The following HDAC9 variants were observed in gnomAD, a reference collection of about 807,000 sequenced individuals.
HDAC9 encodes histone deacetylase 9.
A neutral mutation model predicts 139.4 loss-of-function variants in HDAC9; 41 were observed. That is an observed-to-expected ratio of 0.29 (90% CI 0.23 to 0.38). The LOEUF (loss-of-function observed/expected upper bound fraction) is 0.38. Among genes scored for constraint, HDAC9 ranks in the 10% least tolerant of loss-of-function variants. The pLI, the probability that HDAC9 is intolerant of heterozygous loss-of-function variation, is 1.00. For synonymous variants in HDAC9, 517 were observed against 476.2 expected (o/e 1.09, Z -1.12); for missense variants, 1,147 against 1,297.0 (o/e 0.88, Z 1.78).
At chr7:18,138,410 G>A (rs1053615771) in intron 1 of HDAC9, among the ~76,000 whole-genome samples, 1 of 151,986 alleles carries the variant, frequency 6.6e-6, no homozygotes, top group African/African-American at 2.4e-5. Context: ...GGTGTAAGAA[G>A]GGTTTAGAAC....
chr7:18,548,450 A>G (rs1261864135), intron 2 of HDAC9, among the ~76,000 whole-genome samples: 1 of 152,220 alleles, frequency 6.6e-6, no homozygotes, highest in Non-Finnish European at 1.5e-5. Context: ...CAAAACATCA[A>G]TTTGTAAGAG....
chr7:18,590,902 A>G (rs1225735215), intron 4 of HDAC9, among the ~76,000 whole-genome samples: 1 of 152,192 alleles, frequency 6.6e-6, no homozygotes, highest in Non-Finnish European at 1.5e-5. Flanking sequence ...TCAAACTTTG[A>G]GAAGATTTAA....
At chr7:18,863,704 T>C (rs1798277497) in intron 21 of HDAC9, among the ~76,000 whole-genome samples, 1 of 152,108 alleles carries the variant, frequency 6.6e-6, no homozygotes, top group African/African-American at 2.4e-5. Context: ...TGTATGACTT[T>C]GGAAGGTAAG....
At chr7:18,987,553 C>G (rs1371217469) in intron 25 of HDAC9, among the ~76,000 whole-genome samples, 2 of 152,150 alleles carry the variant, frequency 1.3e-5, no homozygotes, top group African/African-American at 4.8e-5. Context: ...CTCTGCCAGG[C>G]TTTGGTATCA....
chr7:18,155,044 A>G (rs190747406), intron 1 of HDAC9, among the ~76,000 whole-genome samples: 30 of 150,414 alleles, frequency 2.0e-4, no homozygotes, highest in African/African-American at 5.9e-4. Context: ...ACTTCTGTCC[A>G]GTGTGTATTT....
chr7:18,478,348 G>A (rs1021142923), intron 1 of HDAC9, among the ~76,000 whole-genome samples: 4 of 152,224 alleles, frequency 2.6e-5, no homozygotes, highest in African/African-American at 9.6e-5. Context: ...TGGGATTACA[G>A]GCGTGAGCCG....
At chr7:18,588,038 A>T (rs1159575245) in intron 3 of HDAC9, among the ~76,000 whole-genome samples, 1 of 152,206 alleles carries the variant, frequency 6.6e-6, no homozygotes, top group Non-Finnish European at 1.5e-5. Context: ...GAATAATAAC[A>T]CCCATTAAGG....
intron 1 of HDAC9, among the ~76,000 whole-genome samples, chr7:18,355,180 A>G (rs7795469): frequency 0.031 from 4,753 of 152,258 alleles, 94 homozygotes; most frequent in African/African-American, 0.042. Context: ...ATTTTTATAC[A>G]TGAAATAAAA....
rs1562973397 is a variant in HDAC9 at position 18,833,880 on chromosome 7, G to T, written c.2467-1587G>T. The stretch of plus-strand genomic sequence containing the variant: ...GATAGTGTCTAGTGAAGGAGTACTG[G>T]GCTGGAGATTGGCATGAAGACAGGT... On this transcript the variant is annotated intron_variant, in intron 19 of 25. Transcript: ENST00000686413. Among the ~76,000 whole-genome samples, 3 of 152,162 alleles carry T rather than the reference G, an allele frequency of 2.0e-5. 1 individual carries two copies. The highest frequency in any genetic ancestry group is 2.0e-4 in the Admixed American group (3 of 15,274).
At chr7:18,364,703 A>G (rs1054651980) in intron 1 of HDAC9, among the ~76,000 whole-genome samples, 2 of 152,122 alleles carry the variant, frequency 1.3e-5, no homozygotes, top group Non-Finnish European at 2.9e-5. Context: ...CCTGGTCTAC[A>G]ACCTAACATG....
chr7:18,879,839 C>T (rs1449341181), intron 22 of HDAC9, among the ~76,000 whole-genome samples: 1 of 152,090 alleles, frequency 6.6e-6, no homozygotes, highest in African/African-American at 2.4e-5. Context: ...ATAGCCTCTG[C>T]ACAGCAAAAG....
At chr7:18,404,099 T>C (rs774049043) in intron 1 of HDAC9, among the ~76,000 whole-genome samples, 4 of 152,166 alleles carry the variant, frequency 2.6e-5, no homozygotes, top group Non-Finnish European at 5.9e-5. Context: ...TAATCAGAAA[T>C]CAATAAGGAT....
intron 12 of HDAC9, among the ~76,000 whole-genome samples, chr7:18,672,219 TC>T (rs1401518579): frequency 1.3e-5 from 2 of 152,022 alleles, no homozygotes. Flanking sequence ...ATTTGTTATT[TC>T]CCCTGCCTTA....
rs1156300538 is a variant in HDAC9 at position 18,220,659 on chromosome 7, A to G, written c.25+58310A>G. On this transcript the variant is annotated intron_variant, in intron 2 of 12. Transcript: ENST00000417496. Reference sequence around the variant, plus strand: ...AGAGAATCTGTGTTTGGGATGCAGTATGGATAGGAATGGTCTGATCAGAAT... The same window carrying G: ...AGAGAATCTGTGTTTGGGATGCAGTGTGGATAGGAATGGTCTGATCAGAAT... Among the ~76,000 whole-genome samples, 12 of 152,322 alleles carry G rather than the reference A, an allele frequency of 7.9e-5. No individual in the cohort carries two copies. The East Asian group carries it at 2.3e-3, about 29-fold the overall frequency.
intron 14 of HDAC9, among the ~76,000 whole-genome samples, chr7:18,761,936 T>A (rs1789425685): frequency 1.3e-5 from 2 of 152,196 alleles, no homozygotes; most frequent in Non-Finnish European, 2.9e-5. Context: ...GAATATACTT[T>A]ATGTCAGTTG....
intron 2 of HDAC9, among the ~76,000 whole-genome samples, chr7:18,213,217 A>G (rs1487089196): frequency 6.6e-6 from 1 of 152,188 alleles, no homozygotes; most frequent in African/African-American, 2.4e-5. Flanking sequence ...GTACTGTTCA[A>G]AAGTTATTGT....
At chr7:18,108,468 G>T (rs17138597) in intron 1 of HDAC9, among the ~76,000 whole-genome samples, 2 of 152,026 alleles carry the variant, frequency 1.3e-5, no homozygotes, top group African/African-American at 4.8e-5. Context: ...GTATGAATTC[G>T]CTTGTAGAGG....
intron 12 of HDAC9, among the ~76,000 whole-genome samples, chr7:18,725,068 A>T (rs1352498605): frequency 6.6e-6 from 1 of 152,196 alleles, no homozygotes; most frequent in Non-Finnish European, 1.5e-5. Context: ...ATGGCTTGGA[A>T]GAAGCATGAA....
At chr7:18,962,122 C>T (rs1783564116) in intron 24 of HDAC9, among the ~76,000 whole-genome samples, 1 of 152,068 alleles carries the variant, frequency 6.6e-6, no homozygotes, top group Admixed American at 6.6e-5. Flanking sequence ...TACTTCTAAT[C>T]AGAAAAAAAT....
Sources: allele counts gnomAD v4.1 joint callset (sites outside exome capture counted in the v4.1 genomes callset), GRCh38; gene constraint gnomAD v4.1.1; transcripts MANE v1.5; gene names NCBI Gene and HGNC (gene_info 2026-07-23, HGNC 2026-07-21).